Variants in HMGCLL1 observed in about 807,000 individuals in gnomAD.
HMGCLL1 encodes 3-hydroxymethyl-3-methylglutaryl-CoA lyase, cytoplasmic.
A neutral mutation model predicts 39.1 loss-of-function variants in HMGCLL1; 36 were observed. That is an observed-to-expected ratio of 0.92 (90% confidence interval 0.71 to 1.22). HMGCLL1 has a LOEUF of 1.22. HMGCLL1 is among the 50% of genes most tolerant of loss of function. HMGCLL1 has a pLI of 0.00. For missense variants in HMGCLL1, 451 were observed against 416.5 expected (o/e 1.08, Z -0.72); for synonymous variants, 149 against 144.0 (o/e 1.03, Z -0.25).
chr6:55,567,988 T>C (rs1350920980), intron 1 of HMGCLL1, among the ~76,000 whole-genome samples: 4 of 152,120 alleles, frequency 2.6e-5, no homozygotes, highest in Admixed American at 6.6e-5. Context: ...TGTTATTACT[T>C]GGCAGTCATA....
chr6:55,554,348 C>A (rs1436819511), intron 1 of HMGCLL1, among the ~76,000 whole-genome samples: 1 of 151,942 alleles, frequency 6.6e-6, no homozygotes, highest in African/African-American at 2.4e-5. Context: ...GTAAAAAGAT[C>A]TAAAATTTTT....
Position 55,541,838 on chromosome 6 carries a change from T to TACAGATGAAACAAAAATATTTTTTG in HMGCLL1, c.190-3_190-2insCAAAAAATATTTTTGTTTCATCTGT, listed in dbSNP as rs1402694157. The TACAGATGAAACAAAAATATTTTTTG allele has an allele frequency of 1.3e-6, 2 of 1,502,306 alleles. No individual in the cohort carries two copies. The highest frequency in any genetic ancestry group is 2.4e-5 in the South Asian group (2 of 83,968). 93.1% of individuals were successfully genotyped at this position (1,502,306 alleles called of 1,614,324 possible). A position where few individuals can be genotyped will look rare whatever the true frequency, so the allele number is the denominator to read the frequency against. ...TTTTATATCTGTAGGAACTATAACC[T>TACAGATGAAACAAAAATATTTTTTG]ATGAAAACAAAAAATATTTTATAAG... On this transcript the variant is annotated splice_polypyrimidine_tract_variant and splice_region_variant and intron_variant, in intron 2 of 8. Transcript: ENST00000274901.
chr6:55,594,050 T>C, the HMGCLL1 span, among the ~76,000 whole-genome samples: 1 of 152,180 alleles, frequency 6.6e-6, no homozygotes, highest in African/African-American at 2.4e-5. Flanking sequence ...ATGGATCAAA[T>C]TAGAATATGT....
intron 7 of HMGCLL1, among the ~76,000 whole-genome samples, chr6:55,467,909 G>A (rs1764861475): frequency 6.6e-6 from 1 of 151,984 alleles, no homozygotes; most frequent in African/African-American, 2.4e-5. Context: ...GGTGCCATGT[G>A]GTACAGGAGC....
intron 7 of HMGCLL1, among the ~76,000 whole-genome samples, chr6:55,441,682 T>G (rs1214047284): frequency 6.6e-6 from 1 of 151,148 alleles, no homozygotes; most frequent in African/African-American, 2.5e-5. Context: ...TAAGTCATGT[T>G]TTTGTTTTGT....
At chr6:55,607,025 T>C in the HMGCLL1 span, among the ~76,000 whole-genome samples, 3 of 152,196 alleles carry the variant, frequency 2.0e-5, no homozygotes, top group African/African-American at 7.2e-5. Context: ...TTATTATTTT[T>C]AAGCAATTAA....
At chr6:55,638,241 A>G in the HMGCLL1 span, among the ~76,000 whole-genome samples, 134 of 152,122 alleles carry the variant, frequency 8.8e-4, no homozygotes, top group African/African-American at 3.1e-3. Flanking sequence ...CCCCGTCTCT[A>G]CTAAAAATAC....
the HMGCLL1 span, among the ~76,000 whole-genome samples, chr6:55,638,474 T>A: frequency 6.6e-6 from 1 of 151,672 alleles, no homozygotes; most frequent in African/African-American, 2.4e-5. Flanking sequence ...GAGTTTAATA[T>A]GCAGCTTCCA....
the HMGCLL1 span, among the ~76,000 whole-genome samples, chr6:55,589,865 A>G: frequency 4.6e-5 from 7 of 152,320 alleles, no homozygotes; most frequent in South Asian, 1.4e-3. Flanking sequence ...GGACCTCTTC[A>G]AGGAGAACTA....
chr6:55,667,218 C>T, the HMGCLL1 span, among the ~76,000 whole-genome samples: 3 of 151,746 alleles, frequency 2.0e-5, no homozygotes, highest in South Asian at 6.2e-4. Flanking sequence ...ACAAAATATT[C>T]ATTGGTTGTA....
Position 55,542,103 on chromosome 6 carries a change from T to G in HMGCLL1, c.146A>C (p.Lys49Thr), listed in dbSNP as rs773922270. 1.2e-6 allele frequency: 2 copies of G among 1,611,384 alleles called. No individual in the cohort carries two copies. Among genetic ancestry groups the G allele is most frequent in the Non-Finnish European group, 1.7e-6 (2 of 1,178,142 alleles). ...SQLSGLPEFV[K>T]IVEVGPRDGL... ...ATCCCTAGGCCCAACTTCTACTATT[T>G]TAACAAACTCAGGGAGTCCAGATAA... The change falls in exon 2 of 9, where the codon AAA becomes ACA. Residue 49 changes from lysine to threonine, a missense_variant. Coordinates refer to ENST00000274901, the MANE Select transcript of HMGCLL1 (RefSeq NM_001042406.2).
rs188877412 is a variant in HMGCLL1 at position 55,497,803 on chromosome 6, T to G, written c.606+1433A>C. Among the ~76,000 whole-genome samples the G allele has an allele frequency of 1.9e-3, 295 of 152,194 alleles. 3 individuals are homozygous for G. The highest frequency in any genetic ancestry group is 3.4e-3 in the Non-Finnish European group (234 of 67,994). ...TTCTAGGAAGAATATCAGATGCAAA[T>G]GTTAATGGCTTCCAGGCAGCTGACA... On this transcript the variant is annotated intron_variant, in intron 6 of 8. Transcript: ENST00000274901.
At chr6:55,480,221 A>G (rs892727765) in intron 7 of HMGCLL1, among the ~76,000 whole-genome samples, 1 of 151,670 alleles carries the variant, frequency 6.6e-6, no homozygotes, top group African/African-American at 2.4e-5. Context: ...TTTGAAAACT[A>G]TCCATTTGAC....
chr6:55,654,998 C>T, the HMGCLL1 span, among the ~76,000 whole-genome samples: 11 of 152,000 alleles, frequency 7.2e-5, no homozygotes, highest in Non-Finnish European at 1.2e-4. Flanking sequence ...TTCTCTTGCA[C>T]CTACACATGC....
chr6:55,518,043 A>C (rs73746356), intron 3 of HMGCLL1, among the ~76,000 whole-genome samples: 5,858 of 152,246 alleles, frequency 0.038, 331 homozygotes, highest in African/African-American at 0.13. Context: ...ACAATGCATA[A>C]AAGTGATATC....
At chr6:55,455,342 G>GT (rs1267522869) in intron 7 of HMGCLL1, among the ~76,000 whole-genome samples, 6 of 150,440 alleles carry the variant, frequency 4.0e-5, no homozygotes, top group Admixed American at 1.3e-4. Flanking sequence ...GAGGAAGAGG[G>GT]AAGGCTGTGA....
intron 5 of HMGCLL1, among the ~76,000 whole-genome samples, chr6:55,510,465 A>C (rs1767392426): frequency 6.6e-6 from 1 of 151,800 alleles, no homozygotes; most frequent in South Asian, 2.1e-4. Context: ...GCAGCCATAA[A>C]AAATGATGAG....
intron 7 of HMGCLL1, among the ~76,000 whole-genome samples, chr6:55,464,211 T>C (rs1000674792): frequency 7.9e-5 from 12 of 152,188 alleles, no homozygotes; most frequent in Admixed American, 7.9e-4. Context: ...GTCTATGTCA[T>C]AGATTTTTAT....
At chr6:55,439,301 C>T in intron 8 of HMGCLL1, 133 bp downstream of exon 8, 2 of 797,274 alleles carry the variant, frequency 2.5e-6, no homozygotes, top group Admixed American at 2.7e-5. Flanking sequence ...TTGCATTTTC[C>T]CACTGTGCAT....
Sources: gnomAD v4.1 joint callset for allele counts (sites outside exome capture counted in the v4.1 genomes callset) on GRCh38, gnomAD v4.1.1 for gene constraint, MANE v1.5 for transcripts, NCBI Gene and HGNC (gene_info 2026-07-23, HGNC 2026-07-21) for gene names.